The following ATR variants were observed in gnomAD, a reference collection of about 807,000 sequenced individuals.
The protein encoded by ATR is serine/threonine-protein kinase ATR.
A neutral mutation model predicts 305.3 loss-of-function variants in ATR; 142 were observed. The ratio of observed to expected loss-of-function variants is 0.47; its 90% CI spans 0.41 to 0.53. The LOEUF (loss-of-function observed/expected upper bound fraction) is 0.53, where lower values mean the gene tolerates loss of function less well. Ranked by LOEUF, ATR falls within the 20% of genes least tolerant of loss-of-function variation. The pLI is 0.00. For missense variants in ATR, 2,135 were observed against 3,133.1 expected, an observed-to-expected ratio of 0.68 and a Z score of 7.60; for synonymous variants, 1,050 against 1,068.1, an observed-to-expected ratio of 0.98 and a Z score of 0.33.
intron 36 of ATR, among the ~76,000 whole-genome samples, chr3:142,481,533 A>C (rs1052851605): frequency 3.3e-5 from 5 of 152,182 alleles, no homozygotes; most frequent in African/African-American, 1.2e-4. Flanking sequence ...TCATAAAGCC[A>C]GTGGCTTGTG....
Position 142,562,408 on chromosome 3 carries a change from C to G in ATR, c.994G>C (p.Gly332Arg), listed in dbSNP as rs147932626. Residue 332 changes from glycine to arginine, a missense_variant, in exon 4 of 47, where the codon GGT becomes CGT. This residue lies in a region of ATR where 744 missense variants were observed against 873.2 expected (regional missense o/e 0.85). Transcript: ENST00000350721. Reference sequence around the variant, plus strand: ...TCAGACTTAAGCCGCATGAGCACACCGTCTTCAAACATGACACAGAGTTTT... The same window carrying G: ...TCAGACTTAAGCCGCATGAGCACACGGTCTTCAAACATGACACAGAGTTTT... ...LEKLCVMFED[G>R]VLMRLKSDLL... is the part of the protein sequence containing the mutation. 3 of 1,614,040 alleles carry G rather than the reference C, an allele frequency of 1.9e-6. No homozygotes were observed. The South Asian group carries it at 3.3e-5, about 18-fold the overall frequency.
chr3:142,460,521 A>C (rs1255236371), intron 42 of ATR, among the ~76,000 whole-genome samples: 1 of 152,184 alleles, frequency 6.6e-6, no homozygotes, highest in Non-Finnish European at 1.5e-5. Flanking sequence ...TCCAGAAGCC[A>C]CAGAACACCA....
At chr3:142,503,836 GTTA>G (rs1219112900) in intron 29 of ATR, among the ~76,000 whole-genome samples, 1 of 152,140 alleles carries the variant, frequency 6.6e-6, no homozygotes, top group Non-Finnish European at 1.5e-5. Context: ...TCAGATTGAA[GTTA>G]TTATATTTTT....
At chr3:142,456,203 A>G (rs2070901868) in intron 45 of ATR, among the ~76,000 whole-genome samples, 1 of 152,118 alleles carries the variant, frequency 6.6e-6, no homozygotes, top group South Asian at 2.1e-4. Flanking sequence ...CGGAGGTTGC[A>G]GTGAGTGGAG....
intron 35 of ATR, among the ~76,000 whole-genome samples, chr3:142,488,843 C>T (rs2031110003): frequency 1.3e-5 from 2 of 152,180 alleles, no homozygotes; most frequent in South Asian, 2.1e-4. Flanking sequence ...TGCATTAAAC[C>T]TCTAGGTCAG....
chr3:142,542,845 T>C (rs889274983), intron 16 of ATR, 88 bp from the exon 17 acceptor site: 4 of 1,081,852 alleles, frequency 3.7e-6, no homozygotes, highest in Non-Finnish European at 5.5e-6. Flanking sequence ...ATGTCATTTA[T>C]ATTTTACCTA....
intron 45 of ATR, among the ~76,000 whole-genome samples, chr3:142,454,695 C>T (rs898365573): frequency 2.0e-5 from 3 of 152,124 alleles, no homozygotes; most frequent in African/African-American, 7.2e-5. Context: ...CCCGCCTCGG[C>T]CTCCCAAAGT....
intron 21 of ATR, among the ~76,000 whole-genome samples, chr3:142,531,119 T>C (rs949681645): frequency 1.3e-5 from 2 of 152,146 alleles, no homozygotes; most frequent in African/African-American, 4.8e-5. Flanking sequence ...AAGGTGTAAA[T>C]TATGTGTGGT....
intron 16 of ATR, among the ~76,000 whole-genome samples, chr3:142,546,878 G>C (rs1468944964): frequency 6.6e-6 from 1 of 152,170 alleles, no homozygotes; most frequent in Non-Finnish European, 1.5e-5. Flanking sequence ...AAAAGAGCCA[G>C]ACTAGAATGG....
intron 21 of ATR, among the ~76,000 whole-genome samples, chr3:142,525,059 C>T (rs1238804720): frequency 6.6e-6 from 1 of 152,172 alleles, no homozygotes; most frequent in Non-Finnish European, 1.5e-5. Flanking sequence ...TATCCAGAAT[C>T]TTCAATAGCT....
At position 142,561,248 on chromosome 3, in the gene ATR, A is replaced by C. The variant is rs531125329; in HGVS notation, c.1344T>G (p.Thr448=). 48 of 1,613,650 alleles carry C rather than the reference A, an allele frequency of 3.0e-5. 1 individual carries two copies. In the South Asian group the frequency reaches 4.5e-4, roughly 15 times the overall value. ...LNPSKRAPKQ[T]EEIKHVDMNQ... ...CTGAATGAAGGTCATCATACTCCTC[A>C]GTCTGTTTTGGTGCTCTTTTAGAAG... Residue 448 remains threonine (T), a synonymous_variant, in exon 5 of 47, where the codon ACT becomes ACG. Transcript: ENST00000350721.
At chr3:142,540,786 GT>G (rs1319604189) in intron 18 of ATR, 117 bp downstream of exon 18, 3 of 1,219,152 alleles carry the variant, frequency 2.5e-6, no homozygotes, top group Admixed American at 2.5e-5. Context: ...CAAATAAATA[GT>G]CTTTCTACCT....
At chr3:142,450,172 G>T in intron 46 of ATR, 1 of 463,820 alleles carries the variant, frequency 2.2e-6, no homozygotes, top group Non-Finnish European at 4.0e-6. Context: ...TGTGCCATCT[G>T]CCATCGACTT....
chr3:142,508,377 T>G (rs1327178752), intron 27 of ATR, among the ~76,000 whole-genome samples: 1 of 152,174 alleles, frequency 6.6e-6, no homozygotes, highest in African/African-American at 2.4e-5. Flanking sequence ...AGTACCTGTC[T>G]TGCCTTCCTT....
At chr3:142,561,109 A>T in intron 5 of ATR, 134 bp downstream of exon 5, 1 of 905,710 alleles carries the variant, frequency 1.1e-6, no homozygotes, top group Non-Finnish European at 1.7e-6. Flanking sequence ...AAAATATTTT[A>T]AGCACTCCCT....
At chr3:142,452,712 C>A (rs2108248855) in intron 46 of ATR, 2 of 1,063,036 alleles carry the variant, frequency 1.9e-6, no homozygotes, top group South Asian at 2.8e-5. Flanking sequence ...ACAACAACAA[C>A]AAAACTATCT....
intron 45 of ATR, among the ~76,000 whole-genome samples, chr3:142,454,436 G>GTTTTTTTTTTTTT (rs2070859004): frequency 7.5e-6 from 1 of 133,560 alleles, no homozygotes; most frequent in African/African-American, 3.3e-5. Flanking sequence ...CTGATAGACA[G>GTTTTTTTTTTTTT]CTTTTTTTTT....
At chr3:142,555,240 G>GA (rs113798451) in intron 10 of ATR, among the ~76,000 whole-genome samples, 2,676 of 61,960 alleles carry the variant, frequency 0.043, 28 homozygotes, top group South Asian at 0.071. Flanking sequence ...CCGTCTCGGG[G>GA]AAAAAAAAAA....
At chr3:142,473,924 G>A (rs2071365139) in intron 36 of ATR, among the ~76,000 whole-genome samples, 1 of 144,344 alleles carries the variant, frequency 6.9e-6, no homozygotes, top group Non-Finnish European at 1.5e-5. Context: ...TTCTACTTCT[G>A]TGAAAAAAGT....
Sources: gnomAD v4.1 joint callset for allele counts (sites outside exome capture counted in the v4.1 genomes callset) on GRCh38, gnomAD v4.1.1 for gene constraint, gnomAD v4.1.1 regional missense constraint, MANE v1.5 for transcripts, NCBI Gene and HGNC (gene_info 2026-07-23, HGNC 2026-07-21) for gene names.